Variants in EXOC4 observed in about 807,000 individuals in gnomAD.
EXOC4 encodes exocyst complex component 4.
Under a neutral mutation model 107.2 loss-of-function variants are expected in EXOC4, and 71 were observed. That is an observed-to-expected ratio of 0.66 (90% CI 0.55 to 0.81). EXOC4 has a LOEUF of 0.81. Ranked by LOEUF, EXOC4 falls within the 30% of genes least tolerant of loss-of-function variation. EXOC4 has a pLI of 0.00. For synonymous variants in EXOC4, 456 were observed against 441.2 expected (o/e 1.03, Z -0.42); for missense variants, 1,108 against 1,189.6 (o/e 0.93, Z 1.01).
At chr7:133,662,348 A>G (rs1487015659) in intron 10 of EXOC4, among the ~76,000 whole-genome samples, 1 of 152,144 alleles carries the variant, frequency 6.6e-6, no homozygotes, top group African/African-American at 2.4e-5. Context: ...GTTTCGGGAA[A>G]CCATGCAAGG....
At chr7:134,012,615 T>G (rs1365142240) in intron 17 of EXOC4, among the ~76,000 whole-genome samples, 2 of 151,960 alleles carry the variant, frequency 1.3e-5, no homozygotes, top group African/African-American at 4.8e-5. Context: ...AGAATAGACA[T>G]AAAAAGGGAG....
At chr7:133,762,687 A>C (rs1324664034) in intron 10 of EXOC4, among the ~76,000 whole-genome samples, 2 of 152,272 alleles carry the variant, frequency 1.3e-5, no homozygotes, top group South Asian at 4.1e-4. Flanking sequence ...CATATTACGT[A>C]GTGTTATATA....
rs576830555 is a variant in EXOC4, at chr7:133,485,382, A to T, written c.1417+5244A>T. On this transcript the variant is annotated intron_variant, in intron 9 of 17. Transcript: ENST00000253861. ...AGTCTTGTCAAAAGCCTGTTGGAGTATCTCATGATTTGGTCCTGGGATTTC... is the reference window on the plus strand; with the variant it reads ...AGTCTTGTCAAAAGCCTGTTGGAGTTTCTCATGATTTGGTCCTGGGATTTC... Among the ~76,000 whole-genome samples the T allele has an allele frequency of 2.6e-5, 4 of 151,998 alleles. No individual in the cohort carries two copies. In the East Asian group the frequency reaches 7.8e-4, roughly 30 times the overall value.
At chr7:133,601,925 G>C (rs59433968) in intron 9 of EXOC4, 34 of 152,372 alleles carry the variant, frequency 2.2e-4, no homozygotes, top group Middle Eastern at 3.4e-3. Context: ...CTGTTTTGAA[G>C]AAGGCCTCCA....
intron 7 of EXOC4, among the ~76,000 whole-genome samples, chr7:133,438,452 C>T (rs1045844927): frequency 2.0e-5 from 3 of 152,122 alleles, no homozygotes; most frequent in African/African-American, 7.2e-5. Flanking sequence ...AATATTATGA[C>T]ATTAGTTTCT....
At chr7:133,809,994 A>G (rs1323908153) in intron 10 of EXOC4, among the ~76,000 whole-genome samples, 2 of 152,206 alleles carry the variant, frequency 1.3e-5, no homozygotes, top group Non-Finnish European at 2.9e-5. Flanking sequence ...TTTTAGCAAG[A>G]GTAACAGAAA....
intron 11 of EXOC4, among the ~76,000 whole-genome samples, chr7:133,876,695 C>T (rs978007020): frequency 2.0e-5 from 3 of 152,114 alleles, no homozygotes; most frequent in Non-Finnish European, 2.9e-5. Flanking sequence ...AAGTCTTCAT[C>T]GAGTACCATT....
chr7:133,524,761 G>A (rs1293396071), intron 9 of EXOC4, among the ~76,000 whole-genome samples: 1 of 152,080 alleles, frequency 6.6e-6, no homozygotes, highest in Non-Finnish European at 1.5e-5. Context: ...GATATGTGGT[G>A]TTATTTCTGA....
chr7:133,624,237 T>C (rs1302601783), intron 9 of EXOC4, among the ~76,000 whole-genome samples: 1 of 152,184 alleles, frequency 6.6e-6, no homozygotes, highest in Non-Finnish European at 1.5e-5. Context: ...CTATTTTCAT[T>C]GGAGCACTTA....
chr7:133,745,584 A>C (rs1326183468), intron 10 of EXOC4, among the ~76,000 whole-genome samples: 2 of 152,184 alleles, frequency 1.3e-5, no homozygotes, highest in East Asian at 3.8e-4. Flanking sequence ...AACTTTAAGA[A>C]ACAGGATATA....
chr7:133,752,243 C>T (rs1050042410), intron 10 of EXOC4, among the ~76,000 whole-genome samples: 1 of 152,140 alleles, frequency 6.6e-6, no homozygotes, highest in African/African-American at 2.4e-5. Flanking sequence ...ATTTATGTTT[C>T]TCAGCACTTA....
At chr7:133,364,255 T>C (rs1477645707) in intron 6 of EXOC4, among the ~76,000 whole-genome samples, 1 of 151,934 alleles carries the variant, frequency 6.6e-6, no homozygotes, top group East Asian at 1.9e-4. Flanking sequence ...TTTAGCCTCC[T>C]GAGTAGTTGG....
intron 11 of EXOC4, among the ~76,000 whole-genome samples, chr7:133,882,839 AT>A (rs746731210): frequency 1.3e-5 from 2 of 152,272 alleles, no homozygotes; most frequent in South Asian, 2.1e-4. Context: ...TAAGGGCCTT[AT>A]GAGTTATCTG....
At chr7:133,980,306 GA>G (rs1793949282) in intron 14 of EXOC4, among the ~76,000 whole-genome samples, 1 of 152,194 alleles carries the variant, frequency 6.6e-6, no homozygotes, top group Non-Finnish European at 1.5e-5. Flanking sequence ...ATGAGTCTAG[GA>G]ATCTCACTCT....
chr7:133,758,805 A>G (rs1562985752), intron 10 of EXOC4, among the ~76,000 whole-genome samples: 1 of 152,212 alleles, frequency 6.6e-6, no homozygotes, highest in Non-Finnish European at 1.5e-5. Context: ...TAATAACCTT[A>G]CTAAGATATA....
At chr7:133,339,933 G>T (rs1795618807) in intron 5 of EXOC4, among the ~76,000 whole-genome samples, 2 of 152,214 alleles carry the variant, frequency 1.3e-5, no homozygotes, top group Non-Finnish European at 2.9e-5. Context: ...TTCTAGGTAT[G>T]TGATCATCAT....
chr7:133,775,048 T>G (rs1796318012), intron 10 of EXOC4, among the ~76,000 whole-genome samples: 1 of 152,146 alleles, frequency 6.6e-6, no homozygotes, highest in African/African-American at 2.4e-5. Context: ...CTGCAGATTT[T>G]AAAAAGAGTT....
intron 12 of EXOC4, among the ~76,000 whole-genome samples, chr7:133,914,099 C>A (rs1424981648): frequency 6.6e-6 from 1 of 152,220 alleles, no homozygotes; most frequent in Non-Finnish European, 1.5e-5. Context: ...AGAACCCTGA[C>A]TGCAGTTGAT....
chr7:133,307,409 T>C (rs76305711), intron 4 of EXOC4, among the ~76,000 whole-genome samples: 90 of 152,274 alleles, frequency 5.9e-4, no homozygotes, highest in African/African-American at 2.0e-3. Flanking sequence ...TGCTGATAAA[T>C]AGCAGATCTG....
Sources: allele counts gnomAD v4.1 joint callset (sites outside exome capture counted in the v4.1 genomes callset), GRCh38; gene constraint gnomAD v4.1.1; transcripts MANE v1.5; gene names NCBI Gene and HGNC (gene_info 2026-07-23, HGNC 2026-07-21).